Variants in NAV2 observed in about 807,000 individuals in gnomAD.
NAV2 encodes neuron navigator 2, also known as helicase, APC down-regulated 1.
NAV2 carries 54 observed loss-of-function variants against 223.2 expected under a neutral mutation model. The observed-to-expected ratio is 0.24, with a 90% CI of 0.19 to 0.30. The LOEUF (loss-of-function observed/expected upper bound fraction) is 0.30, where lower values mean the gene tolerates loss of function less well. Ranked by LOEUF, NAV2 falls within the 10% of genes least tolerant of loss-of-function variation. The pLI is 1.00. For synonymous variants in NAV2, 1,279 were observed against 1,239.3 expected (o/e 1.03, Z -0.67); for missense variants, 2,806 against 3,147.5 (o/e 0.89, Z 2.60).
intron 6 of NAV2, among the ~76,000 whole-genome samples, chr11:19,914,278 T>C (rs965708873): frequency 1.3e-5 from 2 of 152,218 alleles, no homozygotes; most frequent in Non-Finnish European, 2.9e-5. Flanking sequence ...TATTTTGTTT[T>C]GTTGGGAGAA....
chr11:19,490,202 C>G (rs2042578679), intron 1 of NAV2, among the ~76,000 whole-genome samples: 1 of 152,170 alleles, frequency 6.6e-6, no homozygotes, highest in Non-Finnish European at 1.5e-5. Flanking sequence ...TTGATGGCTG[C>G]TGACTGATTA....
At chr11:19,545,370 T>C (rs2044465817) in intron 1 of NAV2, among the ~76,000 whole-genome samples, 1 of 152,240 alleles carries the variant, frequency 6.6e-6, no homozygotes, top group Non-Finnish European at 1.5e-5. Context: ...GTTTAGAGAC[T>C]GATATTTGTC....
chr11:19,487,991 G>A (rs1451472718), intron 1 of NAV2, among the ~76,000 whole-genome samples: 2 of 152,224 alleles, frequency 1.3e-5, no homozygotes, highest in African/African-American at 4.8e-5. Context: ...TGCTTCTAGA[G>A]TTTAGGGGAG....
intron 1 of NAV2, among the ~76,000 whole-genome samples, chr11:19,383,257 C>A (rs1162219271): frequency 2.6e-5 from 4 of 152,156 alleles, no homozygotes; most frequent in Non-Finnish European, 4.4e-5. Flanking sequence ...AGCAGAAGAG[C>A]TGTCCACCAC....
At chr11:19,438,545 C>T (rs1046232751) in intron 1 of NAV2, among the ~76,000 whole-genome samples, 2 of 152,176 alleles carry the variant, frequency 1.3e-5, no homozygotes, top group Admixed American at 1.3e-4. Flanking sequence ...TCATACTCTC[C>T]AGACACCAAC....
chr11:19,598,135 G>A (rs745786682), intron 1 of NAV2, among the ~76,000 whole-genome samples: 6 of 152,242 alleles, frequency 3.9e-5, no homozygotes, highest in Admixed American at 1.3e-4. Flanking sequence ...ATGGAAGAGC[G>A]GCTTTTGGGA....
intron 1 of NAV2, among the ~76,000 whole-genome samples, chr11:19,727,372 C>T (rs2051341210): frequency 6.6e-6 from 1 of 152,244 alleles, no homozygotes; most frequent in South Asian, 2.1e-4. Flanking sequence ...TAGAAACCAA[C>T]TCCCACAGTC....
intron 1 of NAV2, among the ~76,000 whole-genome samples, chr11:19,612,496 G>T (rs754551663): frequency 1.1e-4 from 17 of 152,184 alleles, no homozygotes; most frequent in Admixed American, 8.5e-4. Context: ...GTCACCTCTT[G>T]AATGCTTTGC....
chr11:19,562,622 T>G (rs2045140944), intron 1 of NAV2, among the ~76,000 whole-genome samples: 1 of 152,224 alleles, frequency 6.6e-6, no homozygotes, highest in Non-Finnish European at 1.5e-5. Context: ...CAGAGCTGGC[T>G]GATCTAATAC....
intron 1 of NAV2, among the ~76,000 whole-genome samples, chr11:19,681,920 C>T (rs2048890573): frequency 6.6e-6 from 1 of 152,088 alleles, no homozygotes; most frequent in Admixed American, 6.5e-5. Flanking sequence ...GACACCTCCA[C>T]CTGAGAAAAT....
At position 20,044,235 on chromosome 11, in the gene NAV2, T is replaced by G. The variant is rs375159662; in HGVS notation, c.3162T>G (p.Pro1054=). The change falls in exon 13 of 38, where the codon CCT becomes CCG. Residue 1054 remains proline (P), a synonymous_variant. Coordinates refer to ENST00000349880, the MANE Select transcript of NAV2 (RefSeq NM_145117.5). ...QVGITMPRTK[P]SAPAGALKTP... ...GCATCACCATGCCAAGGACGAAGCC[T>G]TCAGCCCCGGCAGGCGCACTGAAGA... is the stretch of plus-strand genomic sequence containing the variant. The G allele has an allele frequency of 1.3e-4, 209 of 1,612,988 alleles. No individual in the cohort carries two copies. The African/African-American group carries it at 1.6e-3, about 13-fold the overall frequency.
chr11:19,791,989 C>T (rs902596600), intron 1 of NAV2, among the ~76,000 whole-genome samples: 1 of 152,180 alleles, frequency 6.6e-6, no homozygotes, highest in East Asian at 1.9e-4. Flanking sequence ...CATCTCTGTG[C>T]AGCACCAATG....
intron 1 of NAV2, among the ~76,000 whole-genome samples, chr11:19,392,337 A>G (rs1167145644): frequency 6.6e-6 from 1 of 151,966 alleles, no homozygotes; most frequent in African/African-American, 2.4e-5. Flanking sequence ...TCAGTTACAT[A>G]TATTTTGTTC....
Position 20,045,618 on chromosome 11 carries a change from A to G in NAV2, c.3850A>G (p.Ser1284Gly), listed in dbSNP as rs1434974835. The change falls in exon 14 of 38, where the codon AGT becomes GGT. Residue 1284 changes from serine (S) to glycine (G), a missense_variant. Physicochemically the swap from Ser to Gly is moderately conservative, Grantham distance 56 (BLOSUM62 0). This residue lies in a region of NAV2 where 742 missense variants were observed against 777.9 expected (regional missense o/e 0.95). Transcript: ENST00000349880. ...GCCTGTGTCCAGTCCGGCTCAGACC[A>G]GTCTCCAGCCTGGAGCCAAGTACCC... is the stretch of plus-strand genomic sequence containing the variant. ...AQPVSSPAQT[S>G]LQPGAKYPDV... 9.3e-6 allele frequency: 15 copies of G among 1,614,130 alleles called. No individual in the cohort carries two copies. The highest frequency in any genetic ancestry group is 1.3e-5 in the Non-Finnish European group (15 of 1,180,048).
At chr11:19,695,192 G>T (rs557173787) in intron 1 of NAV2, among the ~76,000 whole-genome samples, 4 of 152,184 alleles carry the variant, frequency 2.6e-5, no homozygotes, top group African/African-American at 9.7e-5. Context: ...GCAACCCAAG[G>T]TGGCCTTCAG....
At chr11:19,720,619 C>G (rs2050676488) in intron 1 of NAV2, among the ~76,000 whole-genome samples, 1 of 152,128 alleles carries the variant, frequency 6.6e-6, no homozygotes, top group African/African-American at 2.4e-5. Context: ...AGACTTTGAA[C>G]AAAATTAGCT....
intron 10 of NAV2, among the ~76,000 whole-genome samples, chr11:19,959,804 A>T (rs1193368646): frequency 6.6e-6 from 1 of 152,202 alleles, no homozygotes; most frequent in Non-Finnish European, 1.5e-5. Flanking sequence ...TCCAGCCGAC[A>T]GCTACCGTGC....
At chr11:19,414,032 T>C (rs1459185223) in intron 1 of NAV2, among the ~76,000 whole-genome samples, 1 of 152,220 alleles carries the variant, frequency 6.6e-6, no homozygotes, top group Non-Finnish European at 1.5e-5. Flanking sequence ...AATAACCAGC[T>C]AGCATCATAA....
chr11:19,935,970 G>T (rs547571357), intron 7 of NAV2, among the ~76,000 whole-genome samples: 1 of 140,724 alleles, frequency 7.1e-6, no homozygotes, highest in African/African-American at 2.6e-5. Flanking sequence ...CAATTCTCCT[G>T]CCTCAGCCTC....
Sources: gnomAD v4.1 joint callset for allele counts (sites outside exome capture counted in the v4.1 genomes callset) on GRCh38, gnomAD v4.1.1 for gene constraint, gnomAD v4.1.1 regional missense constraint, MANE v1.5 for transcripts, NCBI Gene and HGNC (gene_info 2026-07-23, HGNC 2026-07-21) for gene names.